The following PCDH15 variants were observed in gnomAD, a reference collection of about 807,000 sequenced individuals.
PCDH15 encodes the protein protocadherin-15.
A neutral mutation model predicts 178.5 loss-of-function variants in PCDH15; 129 were observed. That is an observed-to-expected ratio of 0.72 (90% CI 0.63 to 0.84). The LOEUF (loss-of-function observed/expected upper bound fraction) is 0.84. PCDH15 is among the 40% of genes least tolerant of loss of function. The pLI is 0.00. For synonymous variants in PCDH15, 800 were observed against 732.0 expected (o/e 1.09, Z -1.50); for missense variants, 2,230 against 2,099.9 (o/e 1.06, Z -1.21).
intron 2 of PCDH15, among the ~76,000 whole-genome samples, chr10:55,529,156 A>G (rs887364032): frequency 2.6e-5 from 4 of 151,666 alleles, no homozygotes; most frequent in African/African-American, 7.3e-5. Context: ...GATTGCAAAA[A>G]TTTTCTCCCA....
At chr10:54,860,741 G>T (rs866566653) in intron 3 of PCDH15, among the ~76,000 whole-genome samples, 4 of 152,122 alleles carry the variant, frequency 2.6e-5, no homozygotes, top group African/African-American at 7.2e-5. Flanking sequence ...TTTCCACAAT[G>T]GCTGAACTAA....
chr10:54,002,051 ATG>A (rs1564977149), intron 20 of PCDH15, among the ~76,000 whole-genome samples: 1 of 26,278 alleles, frequency 3.8e-5, no homozygotes, highest in African/African-American at 3.3e-4. Flanking sequence ...ATATACATAT[ATG>A]TATATATATA....
rs2077583593 is a variant in PCDH15, at chr10:53,840,583, A to T, written c.3807-87T>A. The T allele has an allele frequency of 4.9e-6, 6 of 1,222,756 alleles. No homozygotes were observed. The South Asian group carries it at 7.6e-5, about 16-fold the overall frequency. The allele number at this position is 1,222,756 out of a possible 1,614,324, so 75.7% of individuals were successfully genotyped here. Reference sequence around the variant, plus strand: ...CTCTTAACTTGAAAAGACATTTAGTAAATGAAAAATGATGACAGCCTAGTT... The same window carrying T: ...CTCTTAACTTGAAAAGACATTTAGTTAATGAAAAATGATGACAGCCTAGTT... On this transcript the variant is annotated intron_variant, in intron 28 of 37. Coordinates refer to ENST00000644397, the MANE Select transcript of PCDH15 (RefSeq NM_001384140.1).
chr10:54,043,482 T>C (rs1005426619), intron 18 of PCDH15, among the ~76,000 whole-genome samples: 2 of 151,794 alleles, frequency 1.3e-5, no homozygotes, highest in Non-Finnish European at 2.9e-5. Flanking sequence ...CAGCTTTGAC[T>C]TTCCTAGCTC....
intron 2 of PCDH15, among the ~76,000 whole-genome samples, chr10:55,160,741 G>A (rs575081577): frequency 3.3e-5 from 5 of 151,910 alleles, no homozygotes; most frequent in South Asian, 2.1e-4. Context: ...TGCTACCATC[G>A]CCACCTCCTT....
intron 2 of PCDH15, chr10:54,528,429 A>G (rs1417148534): frequency 2.6e-6 from 4 of 1,555,960 alleles, no homozygotes; most frequent in East Asian, 2.3e-5. Flanking sequence ...AGAGTCATCA[A>G]TGGAAGCAGA....
At chr10:54,379,071 G>C in intron 3 of PCDH15, 129 bp from the exon 4 acceptor site, 2 of 928,248 alleles carry the variant, frequency 2.2e-6, no homozygotes, top group Non-Finnish European at 3.4e-6. Context: ...TGTATATCTA[G>C]CATAAGACAG....
chr10:55,098,470 T>TA (rs1842494375), intron 2 of PCDH15, among the ~76,000 whole-genome samples: 1 of 152,104 alleles, frequency 6.6e-6, no homozygotes, highest in South Asian at 2.1e-4. Context: ...GCTGCACACA[T>TA]AGACAAGCAA....
At chr10:54,190,886 A>G (rs2048929728) in intron 11 of PCDH15, among the ~76,000 whole-genome samples, 2 of 152,244 alleles carry the variant, frequency 1.3e-5, no homozygotes, top group Non-Finnish European at 2.9e-5. Flanking sequence ...TCCATCTTCT[A>G]ATATATGAAT....
intron 1 of PCDH15, among the ~76,000 whole-genome samples, chr10:55,263,789 C>A (rs757615500): frequency 5.3e-5 from 8 of 152,164 alleles, no homozygotes; most frequent in Admixed American, 3.3e-4. Context: ...GGCTGGAGTG[C>A]AGTGGTGCGA....
chr10:55,473,569 A>G (rs541005486), intron 2 of PCDH15, among the ~76,000 whole-genome samples: 1 of 152,160 alleles, frequency 6.6e-6, no homozygotes, highest in Admixed American at 6.5e-5. Context: ...AATTATCACA[A>G]CTGAAACAAG....
chr10:54,627,183 C>G (rs2093579136), intron 2 of PCDH15, among the ~76,000 whole-genome samples: 1 of 152,076 alleles, frequency 6.6e-6, no homozygotes, highest in African/African-American at 2.4e-5. Context: ...GGATAAGACT[C>G]TGGACTGTGG....
intron 29 of PCDH15, among the ~76,000 whole-genome samples, chr10:53,835,735 A>T (rs2077268337): frequency 1.3e-5 from 2 of 152,178 alleles, no homozygotes; most frequent in Admixed American, 1.3e-4. Context: ...TGGGCAATAA[A>T]GTGAGACCAT....
At chr10:54,455,628 G>C (rs553641509) in intron 3 of PCDH15, among the ~76,000 whole-genome samples, 51 of 152,244 alleles carry the variant, frequency 3.3e-4, no homozygotes, top group African/African-American at 1.1e-3. Context: ...AGAATAAAAG[G>C]TTTGAAAATT....
chr10:54,185,193 G>A lies in PCDH15; in HGVS notation c.1381C>T (p.Arg461Cys), dbSNP rs142114033. Residue 461 changes from arginine to cysteine, a missense_variant, in exon 12 of 38, where the codon CGC (arginine) becomes TGC (cysteine). Physicochemically the swap from Arg to Cys is radical, Grantham distance 180. Transcript: ENST00000644397. ...VFTVTQTGIT[R>C]YLTLLQPVDR... ...ACTGGTTGAAGTAAGGTGAGGTAGC[G>A]AGTAATACCAGTCTGTGTGACGGTG... 8.4e-5 allele frequency: 135 copies of A among 1,613,604 alleles called. 2 individuals are homozygous for A. In the South Asian group the frequency reaches 1.0e-3, roughly 12 times the overall value.
chr10:54,067,334 T>C (rs2094155243), intron 17 of PCDH15, among the ~76,000 whole-genome samples: 1 of 152,200 alleles, frequency 6.6e-6, no homozygotes, highest in South Asian at 2.1e-4. Context: ...ATGAGCATTT[T>C]CTGGAAAGCT....
At chr10:54,899,628 C>G (rs1415905993) in intron 2 of PCDH15, among the ~76,000 whole-genome samples, 1 of 151,960 alleles carries the variant, frequency 6.6e-6, no homozygotes, top group Non-Finnish European at 1.5e-5. Flanking sequence ...TCCCAGGTAG[C>G]TGGGACTACA....
chr10:54,716,170 C>T (rs2095477638), intron 1 of PCDH15, among the ~76,000 whole-genome samples: 1 of 152,126 alleles, frequency 6.6e-6, no homozygotes, highest in African/African-American at 2.4e-5. Context: ...TCTGGTCCCA[C>T]ACATCTTGGA....
At chr10:54,728,682 C>A (rs1942926023) in intron 1 of PCDH15, among the ~76,000 whole-genome samples, 1 of 151,276 alleles carries the variant, frequency 6.6e-6, no homozygotes, top group South Asian at 2.1e-4. Context: ...CTAGAAAACC[C>A]CATAGTCCCT....
Sources: allele counts gnomAD v4.1 joint callset (sites outside exome capture counted in the v4.1 genomes callset), GRCh38; gene constraint gnomAD v4.1.1; transcripts MANE v1.5; gene names NCBI Gene and HGNC (gene_info 2026-07-23, HGNC 2026-07-21).